RASA1: variants seen among roughly 807,000 people sequenced by gnomAD.
The protein encoded by RASA1 is ras GTPase-activating protein 1.
RASA1 carries 25 observed loss-of-function variants against 132.2 expected under a neutral mutation model. The ratio of observed to expected loss-of-function variants is 0.19; its 90% CI spans 0.14 to 0.26. The LOEUF (loss-of-function observed/expected upper bound fraction) is 0.26, where lower values mean the gene tolerates loss of function less well. Among genes scored for constraint, RASA1 ranks in the 10% least tolerant of loss-of-function variants. The pLI is 1.00. For synonymous variants in RASA1, 477 were observed against 449.9 expected, an observed-to-expected ratio of 1.06 and a Z score of -0.76; for missense variants, 964 against 1,299.2, an observed-to-expected ratio of 0.74 and a Z score of 3.97.
In RASA1 at chr5:87,349,432, TTC is replaced by T; in HGVS notation, c.1253+69_1253+70del. 5 of 1,535,836 alleles carry T rather than the reference TTC, an allele frequency of 3.3e-6. No homozygotes were observed. The South Asian group carries it at 5.9e-5, about 18-fold the overall frequency. ...TAGTTGAAATCTTGATAATACAGTA[TTC>T]AGAGTCAAAATTATATAAAAGTTTC... On this transcript the variant is annotated intron_variant, in intron 8 of 24. Transcript: ENST00000274376.
At chr5:87,287,297 C>T (rs891383416) in intron 1 of RASA1, among the ~76,000 whole-genome samples, 8 of 143,474 alleles carry the variant, frequency 5.6e-5, no homozygotes, top group African/African-American at 2.6e-5. Context: ...TATATATACA[C>T]CATATATACA....
chr5:87,331,958 A>C (rs569275602), intron 2 of RASA1, among the ~76,000 whole-genome samples: 1 of 152,172 alleles, frequency 6.6e-6, no homozygotes, highest in African/African-American at 2.4e-5. Flanking sequence ...CTGTATATAT[A>C]AACATATTTA....
At chr5:87,306,389 G>C (rs1008878384) in intron 1 of RASA1, among the ~76,000 whole-genome samples, 1 of 152,164 alleles carries the variant, frequency 6.6e-6, no homozygotes, top group Non-Finnish European at 1.5e-5. Context: ...AATACTGCAT[G>C]CTCTCACTTA....
intron 1 of RASA1, among the ~76,000 whole-genome samples, chr5:87,317,736 A>G (rs1703256135): frequency 6.6e-6 from 1 of 151,784 alleles, no homozygotes; most frequent in Non-Finnish European, 1.5e-5. Context: ...CCTGGGTTCA[A>G]TTAATTCTCA....
chr5:87,279,471 A>G (rs528679517), intron 1 of RASA1, among the ~76,000 whole-genome samples: 1 of 152,320 alleles, frequency 6.6e-6, no homozygotes, highest in African/African-American at 2.4e-5. Flanking sequence ...AAACATTTGT[A>G]TATATGTTTT....
intron 22 of RASA1, among the ~76,000 whole-genome samples, chr5:87,385,985 T>G (rs1395701415): frequency 6.6e-6 from 1 of 152,102 alleles, no homozygotes. Flanking sequence ...AGCTGAACTT[T>G]GGAGTAAAAT....
At chr5:87,329,916 T>C (rs1580276322) in intron 1 of RASA1, among the ~76,000 whole-genome samples, 1 of 152,214 alleles carries the variant, frequency 6.6e-6, no homozygotes, top group East Asian at 1.9e-4. Context: ...GTGTAAACTT[T>C]CCATTTCAGA....
At chr5:87,343,802 T>C (rs1274248741) in intron 6 of RASA1, among the ~76,000 whole-genome samples, 1 of 152,212 alleles carries the variant, frequency 6.6e-6, no homozygotes, top group East Asian at 1.9e-4. Context: ...ATAGCCGAGA[T>C]GTTTAATCAA....
chr5:87,281,316 C>T (rs1352104032), intron 1 of RASA1, among the ~76,000 whole-genome samples: 3 of 150,778 alleles, frequency 2.0e-5, no homozygotes, highest in African/African-American at 7.3e-5. Flanking sequence ...GATCTCGTCT[C>T]ACTGCAATCT....
intron 1 of RASA1, among the ~76,000 whole-genome samples, chr5:87,299,269 A>G (rs76243349): frequency 2.0e-5 from 3 of 152,344 alleles, no homozygotes; most frequent in Non-Finnish European, 2.9e-5. Context: ...TTAAGTTTCT[A>G]TCTACCTGGT....
chr5:87,280,819 C>T (rs1009261630), intron 1 of RASA1, among the ~76,000 whole-genome samples: 5 of 151,470 alleles, frequency 3.3e-5, no homozygotes, highest in African/African-American at 1.2e-4. Context: ...TATGGTGGTC[C>T]GATCTCGGCT....
chr5:87,339,870 A>G (rs889819923), intron 5 of RASA1, among the ~76,000 whole-genome samples: 3 of 152,132 alleles, frequency 2.0e-5, no homozygotes, highest in Non-Finnish European at 4.4e-5. Flanking sequence ...TTCTTTGTAG[A>G]TTGAAAAACC....
At chr5:87,361,974 G>C (rs553315273) in intron 9 of RASA1, among the ~76,000 whole-genome samples, 39 of 152,236 alleles carry the variant, frequency 2.6e-4, no homozygotes, top group Admixed American at 5.2e-4. Context: ...TGGCAGAGGA[G>C]GATTATCTGA....
At chr5:87,300,879 C>T (rs768119237) in intron 1 of RASA1, among the ~76,000 whole-genome samples, 1 of 152,140 alleles carries the variant, frequency 6.6e-6, no homozygotes, top group Non-Finnish European at 1.5e-5. Context: ...GAGGCAGATG[C>T]ATGAATTTCT....
Position 87,285,276 on chromosome 5 carries a change from C to T in RASA1, c.539+16286C>T, listed in dbSNP as rs905845763. ...TAGAGATGGGGTTTCACTATGTTGG[C>T]CAGGATGGTCTTGATTTCTTGACCT... On this transcript the variant is annotated intron_variant, in intron 1 of 24. Coordinates refer to ENST00000274376, the MANE Select transcript of RASA1 (RefSeq NM_002890.3). Among the ~76,000 whole-genome samples the T allele has an allele frequency of 2.0e-5, 3 of 151,736 alleles. No homozygotes were observed. In the East Asian group the frequency reaches 5.8e-4, roughly 29 times the overall value.
chr5:87,318,768 A>T (rs961806297), intron 1 of RASA1: 3 of 152,222 alleles, frequency 2.0e-5, no homozygotes, highest in Admixed American at 2.0e-4. Context: ...CCCAAATCTC[A>T]TATTATTCTC....
chr5:87,324,587 A>G (rs1757077727), intron 1 of RASA1, among the ~76,000 whole-genome samples: 1 of 152,198 alleles, frequency 6.6e-6, no homozygotes, highest in African/African-American at 2.4e-5. Flanking sequence ...GAAAAAGGAA[A>G]CAGCATTTCT....
At chr5:87,329,295 A>T (rs1191134593) in intron 1 of RASA1, among the ~76,000 whole-genome samples, 1 of 150,328 alleles carries the variant, frequency 6.7e-6, no homozygotes, top group Non-Finnish European at 1.5e-5. Context: ...AAAAAAAAAA[A>T]GCTGGATGTG....
At chr5:87,383,680 A>T in intron 20 of RASA1, 33 bp from the exon 21 acceptor site, 1 of 938,394 alleles carries the variant, frequency 1.1e-6, no homozygotes, top group Non-Finnish European at 1.4e-6. Flanking sequence ...GTGTTTTCTA[A>T]AAAAAAAAAA....
Sources: gnomAD v4.1 joint callset for allele counts (sites outside exome capture counted in the v4.1 genomes callset) on GRCh38, gnomAD v4.1.1 for gene constraint, MANE v1.5 for transcripts, NCBI Gene and HGNC (gene_info 2026-07-23, HGNC 2026-07-21) for gene names.